ARSG: variants seen among roughly 807,000 people sequenced by gnomAD.
The protein encoded by ARSG is ASG.
A neutral mutation model predicts 50.5 loss-of-function variants in ARSG; 37 were observed. The observed-to-expected ratio is 0.73, with a 90% CI of 0.56 to 0.96. ARSG has a LOEUF of 0.96. ARSG is among the 50% of genes least tolerant of loss of function. The probability of loss-of-function intolerance (pLI) is 0.00; values close to 1 mark genes in which losing one functional copy is unlikely to be tolerated. For synonymous variants in ARSG, 225 were observed against 254.6 expected, an observed-to-expected ratio of 0.88 and a Z score of 1.11; for missense variants, 629 against 675.3, an observed-to-expected ratio of 0.93 and a Z score of 0.76.
At chr17:68,293,334 A>G (rs1419288020) in intron 1 of ARSG, among the ~76,000 whole-genome samples, 1 of 152,178 alleles carries the variant, frequency 6.6e-6, no homozygotes, top group South Asian at 2.1e-4. Context: ...TTTATACCTG[A>G]GTGACTCGAA....
At position 68,271,273 on chromosome 17, in the gene ARSG, C is replaced by A. The variant is rs1555748588; in HGVS notation, c.-552+11847C>A. ...TGCAAAGAGACCAAATAATGCATAA[C>A]AAATAAAACTTTTCTCTTTCAAAAT... On this transcript the variant is annotated intron_variant, in intron 1 of 11. Transcript: ENST00000448504. This position sits in a 1 kb window ranked among gnomAD's most constrained non-coding sequence, Gnocchi z 5.3. 1.2e-6 allele frequency: 2 copies of A among 1,614,104 alleles called. No homozygotes were observed. The highest frequency in any genetic ancestry group is 3.3e-5 in the Admixed American group (2 of 60,006).
At chr17:68,306,657 C>T (rs2076621307) in intron 1 of ARSG, among the ~76,000 whole-genome samples, 1 of 152,232 alleles carries the variant, frequency 6.6e-6, no homozygotes, top group South Asian at 2.1e-4. Flanking sequence ...GCATTGGGGG[C>T]TGGTCCTGGT....
chr17:68,340,240 G>A (rs753762387), intron 2 of ARSG, among the ~76,000 whole-genome samples: 4 of 151,994 alleles, frequency 2.6e-5, no homozygotes, highest in Non-Finnish European at 5.9e-5. Flanking sequence ...ATGGACTAAT[G>A]GATTTTTATT....
intron 8 of ARSG, among the ~76,000 whole-genome samples, chr17:68,377,714 T>C (rs2080219971): frequency 6.6e-6 from 1 of 152,198 alleles, no homozygotes; most frequent in African/African-American, 2.4e-5. Flanking sequence ...CTGAAAAAGA[T>C]TCCCCCACAA....
In ARSG at chr17:68,275,023, G is replaced by A. The variant is rs142210542; in HGVS notation, c.-552+15597G>A. Among the ~76,000 whole-genome samples, 568 of 152,180 alleles carry A rather than the reference G, an allele frequency of 3.7e-3. 5 individuals are homozygous for A. The highest frequency in any genetic ancestry group is 0.013 in the African/African-American group (531 of 41,522). On this transcript the variant is annotated intron_variant, in intron 1 of 11. Coordinates refer to the ARSG transcript ENST00000448504. ...TCGAACTACTGACCTCAGGTGATCC[G>A]CCCACCTCGGCCTCCCAAAGTGTTG...
chr17:68,352,025 AGGAG>A (rs915900790), intron 5 of ARSG, among the ~76,000 whole-genome samples: 1 of 148,064 alleles, frequency 6.8e-6, no homozygotes, highest in Non-Finnish European at 1.5e-5. Flanking sequence ...ACTGGACATA[AGGAG>A]GGAGGGAGGG....
chr17:68,283,286 C>T (rs1409431131), intron 1 of ARSG, among the ~76,000 whole-genome samples: 1 of 150,204 alleles, frequency 6.7e-6, no homozygotes, highest in African/African-American at 2.4e-5. Context: ...TTTGGGAGGC[C>T]GAGGCAGGCG....
intron 1 of ARSG, among the ~76,000 whole-genome samples, chr17:68,303,970 T>C (rs1555762967): frequency 6.6e-6 from 1 of 152,238 alleles, no homozygotes; most frequent in Non-Finnish European, 1.5e-5. Flanking sequence ...TTTTAAGTAA[T>C]GATTCTCTTT....
At chr17:68,426,822 A>G (rs1352396742), downstream of ARSG, among the ~76,000 whole-genome samples, 1 of 152,234 alleles carries the variant, frequency 6.6e-6, no homozygotes, top group Non-Finnish European at 1.5e-5. Flanking sequence ...GGTGTGAGCC[A>G]ATGTGCCTGG....
At chr17:68,428,737 G>A in the ARSG span, 3 of 968,172 alleles carry the variant, frequency 3.1e-6, no homozygotes, top group East Asian at 7.6e-5. Flanking sequence ...ACAAATCAAT[G>A]CAAGGGCACT....
chr17:68,444,399 G>T, the ARSG span: 1 of 1,144,366 alleles, frequency 8.7e-7, no homozygotes. Flanking sequence ...AGCAAACACT[G>T]CTTCACGTTC....
intron 6 of ARSG, among the ~76,000 whole-genome samples, chr17:68,363,013 C>T (rs1307146785): frequency 3.3e-5 from 5 of 152,146 alleles, no homozygotes; most frequent in Non-Finnish European, 7.3e-5. Flanking sequence ...GGGATTCAAA[C>T]GTGAATTAGA....
upstream of ARSG, chr17:68,291,435 C>A (rs1160503244): frequency 1.3e-5 from 2 of 150,934 alleles, no homozygotes; most frequent in Non-Finnish European, 3.0e-5. Flanking sequence ...CGCGCCGCCG[C>A]CGACCATGTG....
intron 2 of ARSG, among the ~76,000 whole-genome samples, chr17:68,321,039 C>A (rs760008031): frequency 6.6e-6 from 1 of 151,922 alleles, no homozygotes; most frequent in Non-Finnish European, 1.5e-5. Flanking sequence ...TGGTGACGTG[C>A]GGTGGCTACT....
chr17:68,372,948 G>A lies in ARSG; in HGVS notation c.982+2424G>A, dbSNP rs1465044896. ...ACTCTGTCACCCAGGCTGGAGTGCA[G>A]TGGCACGATCTTGGCTCACTGCAGC... On this transcript the variant is annotated intron_variant, in intron 8 of 11. Coordinates refer to ENST00000621439, the MANE Select transcript of ARSG (RefSeq NM_001267727.2). Among the ~76,000 whole-genome samples the A allele has an allele frequency of 2.2e-5, 3 of 135,420 alleles. 1 individual carries two copies. The highest frequency in any genetic ancestry group is 4.6e-5 in the Non-Finnish European group (3 of 65,406). 88.8% of individuals were successfully genotyped at this position (135,420 alleles called of 152,430 possible).
chr17:68,444,524 C>T, the ARSG span: 1 of 1,614,052 alleles, frequency 6.2e-7, no homozygotes, highest in East Asian at 2.2e-5. Context: ...CCAGGAGGGT[C>T]TTCAACAGCT....
chr17:68,311,998 C>T (rs559348903), intron 2 of ARSG, among the ~76,000 whole-genome samples: 1 of 152,128 alleles, frequency 6.6e-6, no homozygotes, highest in African/African-American at 2.4e-5. Context: ...TGGGGTTTCA[C>T]CATGTTGGCT....
downstream of ARSG, chr17:68,426,253 G>GGGGGGGGGGGGGGGGGGA: frequency 2.4e-6 from 2 of 841,018 alleles, no homozygotes; most frequent in African/African-American, 1.7e-5. Context: ...GGGGAGCGGG[G>GGGGGGGGGGGGGGGGGGA]GCTCAAATAA....
At position 68,378,359 on chromosome 17, in the gene ARSG, C is replaced by A. The variant is rs1168706997; in HGVS notation, c.983-6705C>A. Among the ~76,000 whole-genome samples, 5 of 152,224 alleles carry A rather than the reference C, an allele frequency of 3.3e-5. No homozygotes were observed. Among genetic ancestry groups the A allele is most frequent in the Non-Finnish European group, 7.3e-5 (5 of 68,044 alleles). ...GTGCTGTCTTCCCCTGTTCTCAGGGCCCCCAGGCCCCCCTGCTTGTCTTCC... is the reference window on the plus strand; with the variant it reads ...GTGCTGTCTTCCCCTGTTCTCAGGGACCCCAGGCCCCCCTGCTTGTCTTCC... On this transcript the variant is annotated intron_variant, in intron 8 of 11. Coordinates refer to ENST00000621439, the MANE Select transcript of ARSG (RefSeq NM_001267727.2). The surrounding 1 kb of genome is among the most constrained non-coding windows in gnomAD (Gnocchi z 4.4).
Sources: gnomAD v4.1 joint callset for allele counts (sites outside exome capture counted in the v4.1 genomes callset) on GRCh38, gnomAD v4.1.1 for gene constraint, Gnocchi (gnomAD v3.1) non-coding constraint, MANE v1.5 for transcripts, NCBI Gene and HGNC (gene_info 2026-07-23, HGNC 2026-07-21) for gene names.